ESR1: variants seen among roughly 807,000 people sequenced by gnomAD.
The protein encoded by ESR1 is estrogen receptor 1, also known as estrogen receptor.
Under a neutral mutation model 52.7 loss-of-function variants are expected in ESR1, and 12 were observed. That is an observed-to-expected ratio of 0.23 (90% confidence interval 0.15 to 0.37). The LOEUF is 0.37. Ranked by LOEUF, ESR1 falls within the 10% of genes least tolerant of loss-of-function variation. The pLI, the probability that ESR1 is intolerant of heterozygous loss-of-function variation, is 1.00. For missense variants in ESR1, 584 were observed against 779.7 expected (o/e 0.75, Z 2.99); for synonymous variants, 305 against 316.8 (o/e 0.96, Z 0.39).
At chr6:151,741,664 T>C (rs1292600806) in intron 2 of ESR1, among the ~76,000 whole-genome samples, 1 of 152,204 alleles carries the variant, frequency 6.6e-6, no homozygotes, top group Non-Finnish European at 1.5e-5. Flanking sequence ...TAATTATTTT[T>C]TTGAAGTAAA....
chr6:152,018,240 A>T (rs1320124082), intron 5 of ESR1, among the ~76,000 whole-genome samples: 1 of 152,052 alleles, frequency 6.6e-6, no homozygotes, highest in Non-Finnish European at 1.5e-5. Flanking sequence ...GAAAAAAAAA[A>T]GTCATTCTCT....
rs1037154943 is a variant in ESR1 at position 152,094,945 on chromosome 6, C to G, written c.1553+377C>G. On this transcript the variant is annotated intron_variant, in intron 7 of 7. Coordinates refer to ENST00000206249, the MANE Select transcript of ESR1 (RefSeq NM_000125.4). The surrounding 1 kb of genome is among the most constrained non-coding windows in gnomAD (Gnocchi z 4.6). ...ATCTGTTATGGTCCCTGTGTACACT[C>G]GGATATTCTAAATGAGAGACCCTGG... 1.3e-5 allele frequency among the ~76,000 whole-genome samples: 2 copies of G among 152,126 alleles called. No individual in the cohort carries two copies. Among genetic ancestry groups the G allele is most frequent in the Non-Finnish European group, 2.9e-5 (2 of 68,014 alleles).
At chr6:151,811,092 T>G (rs2128165390) in intron 1 of ESR1, 1 of 152,324 alleles carries the variant, frequency 6.6e-6, no homozygotes, top group Middle Eastern at 3.4e-3. Flanking sequence ...CATTTAGCAT[T>G]GAGATGCTGT....
chr6:151,918,189 C>G (rs2030768473), intron 3 of ESR1, among the ~76,000 whole-genome samples: 1 of 152,180 alleles, frequency 6.6e-6, no homozygotes, highest in Non-Finnish European at 1.5e-5. Context: ...CTGCTCCCTT[C>G]CCTCATTGCT....
chr6:151,690,288 T>A (rs1275107755), upstream of ESR1, among the ~76,000 whole-genome samples: 1 of 152,178 alleles, frequency 6.6e-6, no homozygotes, highest in East Asian at 1.9e-4. Context: ...ATCGGCTGGA[T>A]GGCATAAAAA....
At chr6:151,925,339 G>A (rs1227910761) in intron 3 of ESR1, among the ~76,000 whole-genome samples, 2 of 152,174 alleles carry the variant, frequency 1.3e-5, no homozygotes, top group Non-Finnish European at 2.9e-5. Context: ...GGGCGCAGTG[G>A]CTCACGCCTG....
At chr6:151,968,224 A>G (rs1454649504) in intron 4 of ESR1, among the ~76,000 whole-genome samples, 1 of 152,240 alleles carries the variant, frequency 6.6e-6, no homozygotes, top group African/African-American at 2.4e-5. Flanking sequence ...CCATATGCAG[A>G]AAACTGAAAC....
intron 4 of ESR1, among the ~76,000 whole-genome samples, chr6:151,954,996 A>G (rs2036743242): frequency 7.9e-6 from 1 of 126,736 alleles, no homozygotes. Flanking sequence ...AGAGGTTTCA[A>G]ATTGAAAAGA....
rs1039861782 is a variant in ESR1, at chr6:152,102,651, T to C, written c.*3685T>C. 1.1e-4 allele frequency: 24 copies of C among 220,676 alleles called. No homozygotes were observed. The highest frequency in any genetic ancestry group is 5.5e-5 in the Non-Finnish European group (6 of 110,040). 13.7% of individuals were successfully genotyped at this position (220,676 alleles called of 1,614,324 possible). A position where few individuals can be genotyped will look rare whatever the true frequency, so the allele number is the denominator to read the frequency against. ...GTTTCCAACTGCATTTCCTTTCCAA[T>C]TGAATTAAAGTGTGGCCTCGTTTTT... is the stretch of plus-strand genomic sequence containing the variant. On this transcript the variant is annotated 3_prime_UTR_variant, in exon 8 of 8. Transcript: ENST00000206249.
At chr6:152,063,116 GC>G (rs1429814279) in intron 6 of ESR1, among the ~76,000 whole-genome samples, 1 of 152,072 alleles carries the variant, frequency 6.6e-6, no homozygotes, top group African/African-American at 2.4e-5. Flanking sequence ...GCAGGATTTG[GC>G]CCCTGTCTGC....
intron 1 of ESR1, among the ~76,000 whole-genome samples, chr6:151,834,437 C>T (rs373710340): frequency 6.6e-5 from 10 of 152,118 alleles, no homozygotes; most frequent in African/African-American, 1.9e-4. Context: ...TCTCAGCAAA[C>T]TAACACAGGA....
intron 5 of ESR1, among the ~76,000 whole-genome samples, chr6:152,045,100 T>C (rs1382468850): frequency 6.6e-6 from 1 of 152,192 alleles, no homozygotes; most frequent in African/African-American, 2.4e-5. Flanking sequence ...TGTGGGTGCA[T>C]GTTAACTCAG....
intron 2 of ESR1, among the ~76,000 whole-genome samples, chr6:151,761,946 G>A (rs1389280134): frequency 1.3e-5 from 2 of 152,198 alleles, no homozygotes; most frequent in East Asian, 3.8e-4. Flanking sequence ...GTTGATGGCT[G>A]ATCTGGAGAC....
intron 2 of ESR1, 94 bp downstream of exon 2, chr6:151,842,881 T>C: frequency 9.0e-7 from 1 of 1,113,984 alleles, no homozygotes; most frequent in Non-Finnish European, 1.4e-6. Flanking sequence ...GAATCAGCCA[T>C]TTGTACAAAA....
chr6:151,671,425 C>T (rs1269299753), intron 1 of ESR1, among the ~76,000 whole-genome samples: 1 of 152,108 alleles, frequency 6.6e-6, no homozygotes, highest in African/African-American at 2.4e-5. Context: ...TGAAAGGAGC[C>T]AGGCACAGAA....
At chr6:151,971,839 A>G (rs1457150324) in intron 4 of ESR1, among the ~76,000 whole-genome samples, 2 of 152,170 alleles carry the variant, frequency 1.3e-5, no homozygotes, top group African/African-American at 2.4e-5. Flanking sequence ...GAAACAAACA[A>G]CAACAATAAA....
intron 1 of ESR1, among the ~76,000 whole-genome samples, chr6:151,666,066 T>G (rs760478326): frequency 7.9e-5 from 12 of 152,232 alleles, no homozygotes; most frequent in Non-Finnish European, 1.5e-4. Context: ...TTCAGTGTCT[T>G]TTCTTTGGGC....
At chr6:151,876,162 AG>A (rs1261655587) in intron 2 of ESR1, among the ~76,000 whole-genome samples, 1 of 152,160 alleles carries the variant, frequency 6.6e-6, no homozygotes, top group Non-Finnish European at 1.5e-5. Context: ...CAAGTGAGGA[AG>A]GAGATTGAAT....
chr6:152,122,462 A>G (rs1159638583), intron 6 of ESR1: 2 of 1,614,168 alleles, frequency 1.2e-6, no homozygotes, highest in South Asian at 2.2e-5. Context: ...CCATTCGTGT[A>G]TCTGAGCATG....
Sources: gnomAD v4.1 joint callset for allele counts (sites outside exome capture counted in the v4.1 genomes callset) on GRCh38, gnomAD v4.1.1 for gene constraint, Gnocchi (gnomAD v3.1) non-coding constraint, MANE v1.5 for transcripts, NCBI Gene and HGNC (gene_info 2026-07-23, HGNC 2026-07-21) for gene names.